The following CACNA1G variants were observed in gnomAD, a reference collection of about 807,000 sequenced individuals.
CACNA1G encodes voltage-dependent T-type calcium channel subunit alpha-1G.
In CACNA1G, 67 loss-of-function variants were observed where a neutral mutation model predicts 219.4. The ratio of observed to expected loss-of-function variants is 0.31; its 90% CI spans 0.25 to 0.37. The LOEUF is 0.37. Ranked by LOEUF, CACNA1G falls within the 10% of genes least tolerant of loss-of-function variation. The pLI, the probability that CACNA1G is intolerant of heterozygous loss-of-function variation, is 1.00. For synonymous variants in CACNA1G, 1,296 were observed against 1,345.3 expected (o/e 0.96, Z 0.80); for missense variants, 2,380 against 3,231.4 (o/e 0.74, Z 6.39).
chr17:50,609,053 C>T (rs571127551), intron 25 of CACNA1G, among the ~76,000 whole-genome samples: 24 of 152,312 alleles, frequency 1.6e-4, no homozygotes, highest in Middle Eastern at 3.4e-3. Flanking sequence ...AATCGTCTTC[C>T]TTCCGCCGAT....
rs2052008020 is a variant in CACNA1G at position 50,621,474 on chromosome 17, G to A, written c.5926-186G>A. Among the ~76,000 whole-genome samples the A allele has an allele frequency of 6.6e-6, 1 of 152,150 alleles. No individual in the cohort carries two copies. ...TGATCAGAGCAGGGGGTTGAAGTGGGTGCGGGGAGGCACTGTCAGCTTGTT... is the reference window on the plus strand; with the variant it reads ...TGATCAGAGCAGGGGGTTGAAGTGGATGCGGGGAGGCACTGTCAGCTTGTT... On this transcript the variant is annotated intron_variant, in intron 34 of 37. Coordinates refer to ENST00000359106, the MANE Select transcript of CACNA1G (RefSeq NM_018896.5). The surrounding 1 kb of genome is among the most constrained non-coding windows in gnomAD (Gnocchi z 4.6).
Position 50,607,871 on chromosome 17 carries a change from G to C in CACNA1G, c.4557G>C (p.Ser1519=). ...HNPWMLLYFI[S]FLLIVAFFVL... is the part of the protein sequence containing the mutation. ...CCTGGATGCTGCTGTACTTCATCTC[G>C]TTCCTGCTCATTGTGGCCTTCTTTG... Residue 1519 remains serine (S), a synonymous_variant, in exon 25 of 38, where the codon TCG becomes TCC. Coordinates refer to ENST00000359106, the MANE Select transcript of CACNA1G (RefSeq NM_018896.5). 1 of 1,614,016 alleles carries C rather than the reference G, an allele frequency of 6.2e-7. No individual in the cohort carries two copies. The highest frequency in any genetic ancestry group is 8.5e-7 in the Non-Finnish European group (1 of 1,179,892).
rs575671938 is a variant in CACNA1G at position 50,596,833 on chromosome 17, G to C, written c.3168G>C (p.Thr1056=). The C allele has an allele frequency of 1.9e-5, 30 of 1,607,602 alleles. No homozygotes were observed. The East Asian group carries it at 5.8e-4, about 31-fold the overall frequency. The part of the protein sequence containing the change: ...TPMSLPKSTS[T]GLGEALGPAS... Reference sequence around the variant, plus strand: ...TGTCGCTGCCCAAGAGCACCAGCACGGGCCTGGGCGAGGCGCTGGGCCCTG... The same window carrying C: ...TGTCGCTGCCCAAGAGCACCAGCACCGGCCTGGGCGAGGCGCTGGGCCCTG... The change falls in exon 16 of 38, where the codon ACG becomes ACC. Residue 1056 remains threonine, a synonymous_variant. Coordinates refer to ENST00000359106, the MANE Select transcript of CACNA1G (RefSeq NM_018896.5). This position sits in a 1 kb window ranked among gnomAD's most constrained non-coding sequence, Gnocchi z 4.8.
intron 24 of CACNA1G, 63 bp downstream of exon 24, chr17:50,607,052 G>A (rs1455828996): frequency 7.7e-7 from 1 of 1,297,396 alleles, no homozygotes; most frequent in Admixed American, 1.7e-5. Flanking sequence ...GCTGATTCCA[G>A]GACAGAAAGA....
rs1438780122 is a variant in CACNA1G, at chr17:50,626,023, A to G, written c.6406A>G (p.Ile2136Val). The G allele has an allele frequency of 3.1e-6, 5 of 1,607,014 alleles. No homozygotes were observed. The Admixed American group carries it at 6.7e-5, about 21-fold the overall frequency. ...CCTCCCCCACCCCATATAGGCAGCAATAAGGACTGACTCCTTGGACGTTCA... is the reference window on the plus strand; with the variant it reads ...CCTCCCCCACCCCATATAGGCAGCAGTAAGGACTGACTCCTTGGACGTTCA... ...AQRPLRRQAAIRTDSLDVQGL... is the reference protein window; with the variant it reads ...AQRPLRRQAAVRTDSLDVQGL... The change falls in exon 38 of 38, where the codon ATA (isoleucine) becomes GTA (valine). Residue 2136 changes from isoleucine to valine, a missense_variant. By Grantham distance (29) the Ile-to-Val change is conservative. Coordinates refer to ENST00000359106, the MANE Select transcript of CACNA1G (RefSeq NM_018896.5). This position sits in a 1 kb window ranked among gnomAD's most constrained non-coding sequence, Gnocchi z 4.3.
intron 14 of CACNA1G, among the ~76,000 whole-genome samples, chr17:50,595,325 G>A (rs138007084): frequency 2.0e-5 from 3 of 152,348 alleles, no homozygotes; most frequent in Non-Finnish European, 4.4e-5. Context: ...TGGATGGGCC[G>A]GAGAAGGAAG....
Position 50,578,676 on chromosome 17 carries a change from C to A in CACNA1G, c.2301+112C>A. 2 of 1,085,546 alleles carry A rather than the reference C, an allele frequency of 1.8e-6. No homozygotes were observed. Among genetic ancestry groups the A allele is most frequent in the Non-Finnish European group, 2.6e-6 (2 of 776,144 alleles). 67.2% of individuals were successfully genotyped at this position (1,085,546 alleles called of 1,614,324 possible). A position where few individuals can be genotyped will look rare whatever the true frequency, so the allele number is the denominator to read the frequency against. On this transcript the variant is annotated intron_variant, in intron 9 of 37. Transcript: ENST00000359106. This position sits in a 1 kb window ranked among gnomAD's most constrained non-coding sequence, Gnocchi z 4.5. ...TGAGCTCAGCTTCCTCTCCATGCTG[C>A]TAGCCCACCTGGCAGGTAGGAGGGG... is the stretch of plus-strand genomic sequence containing the variant.
Position 50,603,075 on chromosome 17 carries a change from C to G in CACNA1G, c.4045C>G (p.Leu1349Val). ...GTACCTGCGGAGCAGTTGGAACGTG[C>G]TGGACGGGCTGTTGGTGCTCATCTC... Reference protein sequence around the residue: ...QAYLRSSWNVLDGLLVLISVI... With the variant: ...QAYLRSSWNVVDGLLVLISVI... Residue 1349 changes from leucine (L) to valine (V), a missense_variant, in exon 21 of 38, where the codon CTG becomes GTG. This residue lies in a region of CACNA1G where 153 missense variants were observed against 374.9 expected (regional missense o/e 0.41). Transcript: ENST00000359106. This position sits in a 1 kb window ranked among gnomAD's most constrained non-coding sequence, Gnocchi z 6.4. 6.2e-7 allele frequency: 1 copy of G among 1,613,628 alleles called. No homozygotes were observed.
At chr17:50,610,414 G>C (rs1293039016) in intron 26 of CACNA1G, among the ~76,000 whole-genome samples, 1 of 152,204 alleles carries the variant, frequency 6.6e-6, no homozygotes, top group African/African-American at 2.4e-5. Context: ...CGGTGGCTGC[G>C]TCATCGCTAC....
chr17:50,585,975 G>C (rs2042909328), intron 9 of CACNA1G, among the ~76,000 whole-genome samples: 1 of 152,138 alleles, frequency 6.6e-6, no homozygotes, highest in South Asian at 2.1e-4. Context: ...CAGCTGGCTG[G>C]GGTCGGGCTT....
chr17:50,561,301 G>T lies in CACNA1G; in HGVS notation c.-159G>T. The stretch of plus-strand genomic sequence containing the variant: ...GCGGGCAGCATGCCCCTGCGGGCAG[G>T]GGGAGCTGGGCTGAACTGGCCCTCC... On this transcript the variant is annotated 5_prime_UTR_variant, in exon 1 of 38. Coordinates refer to ENST00000359106, the MANE Select transcript of CACNA1G (RefSeq NM_018896.5). 1 of 803,676 alleles carries T rather than the reference G, an allele frequency of 1.2e-6. No homozygotes were observed. Among genetic ancestry groups the T allele is most frequent in the South Asian group, 1.9e-5 (1 of 53,580 alleles). The allele number at this position is 803,676 out of a possible 1,614,324, so 49.8% of individuals were successfully genotyped here.
chr17:50,576,395 A>G (rs2040659489), intron 8 of CACNA1G, 69 bp downstream of exon 8: 2 of 1,464,878 alleles, frequency 1.4e-6, no homozygotes, highest in Admixed American at 3.9e-5. Context: ...AGAGGGGACT[A>G]GGGGGTCTGG....
intron 13 of CACNA1G, 52 bp downstream of exon 13, chr17:50,592,144 A>C: frequency 1.3e-6 from 2 of 1,547,220 alleles, no homozygotes. Context: ...CCCACTTCCA[A>C]TTGGCTGCCT....
chr17:50,607,447 C>G (rs1015404403), intron 24 of CACNA1G: 1 of 338,044 alleles, frequency 3.0e-6, no homozygotes, highest in Admixed American at 4.4e-5. Flanking sequence ...AAGCTGTGAT[C>G]GCACCACTGC....
intron 9 of CACNA1G, among the ~76,000 whole-genome samples, chr17:50,579,177 C>A (rs901702920): frequency 6.6e-6 from 1 of 151,952 alleles, no homozygotes; most frequent in Non-Finnish European, 1.5e-5. Flanking sequence ...GAAGCCATCG[C>A]GTTTGAGGAA....
At position 50,590,560 on chromosome 17, in the gene CACNA1G, T is replaced by C; in HGVS notation, c.2391T>C (p.Tyr797=). 1.2e-6 allele frequency: 2 copies of C among 1,613,972 alleles called. No individual in the cohort carries two copies. Among genetic ancestry groups the C allele is most frequent in the Non-Finnish European group, 1.7e-6 (2 of 1,179,856 alleles). Residue 797 remains tyrosine (Y), a synonymous_variant, in exon 10 of 38, where the codon TAT becomes TAC. Coordinates refer to ENST00000359106, the MANE Select transcript of CACNA1G (RefSeq NM_018896.5). Reference sequence around the variant, plus strand: ...AGATGCTGCTGAAGCTGCTTGTGTATGGTCCCTTTGGCTACATCAAGAATC... The same window carrying C: ...AGATGCTGCTGAAGCTGCTTGTGTACGGTCCCTTTGGCTACATCAAGAATC... ...ALEMLLKLLV[Y]GPFGYIKNPY...
At position 50,578,781 on chromosome 17, in the gene CACNA1G, G is replaced by A. The variant is rs2041267004; in HGVS notation, c.2301+217G>A. Among the ~76,000 whole-genome samples the A allele has an allele frequency of 6.6e-6, 1 of 152,164 alleles. No individual in the cohort carries two copies. The highest frequency in any genetic ancestry group is 1.5e-5 in the Non-Finnish European group (1 of 68,036). On this transcript the variant is annotated intron_variant, in intron 9 of 37. Transcript: ENST00000359106. This position sits in a 1 kb window ranked among gnomAD's most constrained non-coding sequence, Gnocchi z 4.5. Reference sequence around the variant, plus strand: ...CTGAGTATGGAGGTCGCCTCAGGTAGGCCACAGGGTATGTTCTACCCAGGA... The same window carrying A: ...CTGAGTATGGAGGTCGCCTCAGGTAAGCCACAGGGTATGTTCTACCCAGGA...
rs555798090 is a variant in CACNA1G, at chr17:50,596,832, C to T, written c.3167C>T (p.Thr1056Met). The change falls in exon 16 of 38, where the codon ACG (threonine) becomes ATG (methionine). Residue 1056 changes from threonine (T) to methionine (M), a missense_variant. Around this residue, in one of 17 missense-constraint regions of CACNA1G, gnomAD observed 418 missense variants for 434.3 expected, o/e 0.96. Transcript: ENST00000359106. The surrounding 1 kb of genome is among the most constrained non-coding windows in gnomAD (Gnocchi z 4.8). ...ATGTCGCTGCCCAAGAGCACCAGCA[C>T]GGGCCTGGGCGAGGCGCTGGGCCCT... ...TPMSLPKSTS[T>M]GLGEALGPAS... is the part of the protein sequence containing the mutation. The T allele has an allele frequency of 7.7e-5, 124 of 1,607,608 alleles. No individual in the cohort carries two copies. Among genetic ancestry groups the T allele is most frequent in the South Asian group, 4.1e-4 (37 of 90,130 alleles).
chr17:50,591,682 G>T, intron 11 of CACNA1G, 57 bp from the exon 12 acceptor site: 1 of 1,609,900 alleles, frequency 6.2e-7, no homozygotes, highest in Non-Finnish European at 8.5e-7. Flanking sequence ...AGGAGGGCCT[G>T]AGGGGTGAGG....
Sources: gnomAD v4.1 joint callset for allele counts (sites outside exome capture counted in the v4.1 genomes callset) on GRCh38, gnomAD v4.1.1 for gene constraint, gnomAD v4.1.1 regional missense constraint, Gnocchi (gnomAD v3.1) non-coding constraint, MANE v1.5 for transcripts, NCBI Gene and HGNC (gene_info 2026-07-23, HGNC 2026-07-21) for gene names.